The following UNC5D variants were observed in gnomAD, a reference collection of about 807,000 sequenced individuals.
UNC5D encodes the protein unc-5 netrin receptor D, also known as netrin receptor UNC5D.
A neutral mutation model predicts 105.4 loss-of-function variants in UNC5D; 39 were observed. The observed-to-expected ratio is 0.37, with a 90% CI of 0.29 to 0.48. The LOEUF (loss-of-function observed/expected upper bound fraction) is 0.48, where lower values mean the gene tolerates loss of function less well. Ranked by LOEUF, UNC5D falls within the 20% of genes least tolerant of loss-of-function variation. The probability of loss-of-function intolerance (pLI) is 0.98; values close to 1 mark genes in which losing one functional copy is unlikely to be tolerated. For missense variants in UNC5D, 991 were observed against 1,202.4 expected (o/e 0.82, Z 2.60); for synonymous variants, 452 against 450.4 (o/e 1.00, Z -0.04).
rs145667746 is a variant in UNC5D at position 35,686,569 on chromosome 8, G to T, written c.944G>T (p.Ser315Ile). Residue 315 changes from serine to isoleucine, a missense_variant, in exon 7 of 17, where the codon AGC (serine) becomes ATC (isoleucine). Ser to Ile is a moderately radical substitution (Grantham distance 142). This residue lies in a region of UNC5D where 944 missense variants were observed against 1,131.6 expected (regional missense o/e 0.83). Transcript: ENST00000404895. ...CPVDGSWEVW[S>I]EWSVCSPECE... ...GTGGATGGGAGCTGGGAAGTGTGGA[G>T]CGAATGGTCCGTCTGCAGTCCAGAG... The T allele has an allele frequency of 6.3e-7, 1 of 1,587,384 alleles. No homozygotes were observed. Among genetic ancestry groups the T allele is most frequent in the Non-Finnish European group, 8.5e-7 (1 of 1,171,540 alleles).
intron 4 of UNC5D, among the ~76,000 whole-genome samples, chr8:35,608,528 T>C (rs1315934789): frequency 6.6e-6 from 1 of 152,156 alleles, no homozygotes; most frequent in Non-Finnish European, 1.5e-5. Flanking sequence ...ATCACCCAAA[T>C]GACAAGTAAT....
chr8:35,491,672 G>A (rs1395228294), intron 1 of UNC5D, among the ~76,000 whole-genome samples: 1 of 152,064 alleles, frequency 6.6e-6, no homozygotes, highest in Non-Finnish European at 1.5e-5. Flanking sequence ...CTGGTTTGCA[G>A]CATCTAGGAG....
At position 35,382,783 on chromosome 8, in the gene UNC5D, A is replaced by G. The variant is rs192068809; in HGVS notation, c.103+146896A>G. The stretch of plus-strand genomic sequence containing the variant: ...GCTTGGATTCCAGAATGCTGGTGAG[A>G]TTCTGCATGCCCCTGGACGGTGACC... On this transcript the variant is annotated intron_variant, in intron 1 of 16. Transcript: ENST00000404895. Among the ~76,000 whole-genome samples the G allele has an allele frequency of 5.3e-5, 8 of 152,290 alleles. No individual in the cohort carries two copies. In the East Asian group the frequency reaches 1.5e-3, roughly 29 times the overall value.
chr8:35,730,707 T>C (rs1297264018), intron 10 of UNC5D, among the ~76,000 whole-genome samples: 2 of 152,148 alleles, frequency 1.3e-5, no homozygotes, highest in South Asian at 4.1e-4. Context: ...TTCTCAGATA[T>C]GTTTAATACT....
At position 35,792,430 on chromosome 8, in the gene UNC5D, A is replaced by T. The variant is rs1803085891; in HGVS notation, c.*1867A>T. On this transcript the variant is annotated 3_prime_UTR_variant, in exon 17 of 17. Coordinates refer to ENST00000404895, the MANE Select transcript of UNC5D (RefSeq NM_080872.4). The stretch of plus-strand genomic sequence containing the variant: ...AGGAACCAAAGGCTTATGATGTAGG[A>T]CAAAGAAATCATCTTAGAACTGTCA... 6.5e-6 allele frequency: 1 copy of T among 152,778 alleles called. No individual in the cohort carries two copies. Among genetic ancestry groups the T allele is most frequent in the African/African-American group, 2.4e-5 (1 of 41,454 alleles). 9.5% of individuals were successfully genotyped at this position (152,778 alleles called of 1,614,324 possible). A position where few individuals can be genotyped will look rare whatever the true frequency, so the allele number is the denominator to read the frequency against.
intron 1 of UNC5D, among the ~76,000 whole-genome samples, chr8:35,503,382 C>T (rs1812093090): frequency 1.3e-5 from 2 of 152,162 alleles, no homozygotes; most frequent in Admixed American, 1.3e-4. Context: ...GGGAAAACCC[C>T]CTATAAAGCC....
intron 4 of UNC5D, among the ~76,000 whole-genome samples, chr8:35,682,511 G>A (rs1184552960): frequency 6.6e-6 from 1 of 152,182 alleles, no homozygotes; most frequent in Admixed American, 6.5e-5. Flanking sequence ...GATAACTAGA[G>A]CTGAATGGTT....
intron 1 of UNC5D, among the ~76,000 whole-genome samples, chr8:35,438,339 A>C (rs547643231): frequency 6.6e-6 from 1 of 152,056 alleles, no homozygotes; most frequent in Admixed American, 6.6e-5. Context: ...TGAAAATTTT[A>C]AAAAAGATTA....
intron 1 of UNC5D, among the ~76,000 whole-genome samples, chr8:35,267,052 T>A (rs1032139019): frequency 6.6e-6 from 1 of 151,576 alleles, no homozygotes; most frequent in African/African-American, 2.4e-5. Context: ...TCAACATTTT[T>A]GGGACCATAT....
At chr8:35,266,118 C>CA (rs1804854844) in intron 1 of UNC5D, among the ~76,000 whole-genome samples, 1 of 151,962 alleles carries the variant, frequency 6.6e-6, no homozygotes, top group Non-Finnish European at 1.5e-5. Flanking sequence ...TTTTTTTCTT[C>CA]AAAATCTTTA....
intron 1 of UNC5D, among the ~76,000 whole-genome samples, chr8:35,305,571 C>CTT (rs1563297576): frequency 4.2e-4 from 8 of 18,894 alleles, no homozygotes; most frequent in African/African-American, 8.4e-4. Context: ...TCCTTTCTTT[C>CTT]TTTCTTTTTC....
intron 1 of UNC5D, among the ~76,000 whole-genome samples, chr8:35,365,783 A>G (rs1221934731): frequency 6.6e-6 from 1 of 152,072 alleles, no homozygotes; most frequent in African/African-American, 2.4e-5. Flanking sequence ...TTTTCCTTCT[A>G]TAGGCCAGCT....
intron 1 of UNC5D, among the ~76,000 whole-genome samples, chr8:35,540,447 GT>G (rs1815194024): frequency 1.8e-5 from 2 of 112,664 alleles, no homozygotes; most frequent in African/African-American, 1.5e-4. Flanking sequence ...GCAGAGGGGT[GT>G]GTGTGTGTGT....
At chr8:35,677,896 G>GTGTGTGTGTATA (rs1825367462) in intron 4 of UNC5D, among the ~76,000 whole-genome samples, 1 of 151,656 alleles carries the variant, frequency 6.6e-6, no homozygotes, top group South Asian at 2.1e-4. Context: ...GTGTCTGTGT[G>GTGTGTGTGTATA]TGTGTGTGTG....
chr8:35,589,466 C>A (rs963885532), intron 3 of UNC5D, among the ~76,000 whole-genome samples: 2 of 139,994 alleles, frequency 1.4e-5, no homozygotes, highest in African/African-American at 5.3e-5. Context: ...TGAATGAATT[C>A]TTTTTAATAA....
At chr8:35,697,332 T>A (rs1826857579) in intron 7 of UNC5D, among the ~76,000 whole-genome samples, 1 of 151,628 alleles carries the variant, frequency 6.6e-6, no homozygotes, top group African/African-American at 2.4e-5. Flanking sequence ...GACTTCAGAT[T>A]ATGTTTTTTT....
At chr8:35,312,762 G>T (rs895942988) in intron 1 of UNC5D, among the ~76,000 whole-genome samples, 1 of 152,146 alleles carries the variant, frequency 6.6e-6, no homozygotes, top group African/African-American at 2.4e-5. Context: ...AATTTATGTT[G>T]AATTTTCTCC....
intron 4 of UNC5D, among the ~76,000 whole-genome samples, chr8:35,617,075 G>A (rs188732450): frequency 3.9e-5 from 6 of 152,062 alleles, no homozygotes; most frequent in Admixed American, 2.0e-4. Context: ...TCCATGAAGC[G>A]CACCACACAC....
At chr8:35,719,818 C>CAT (rs1488978038) in intron 8 of UNC5D, among the ~76,000 whole-genome samples, 1 of 152,142 alleles carries the variant, frequency 6.6e-6, no homozygotes, top group Non-Finnish European at 1.5e-5. Flanking sequence ...TCAAGCCATC[C>CAT]CAGTGTCAGG....
Sources: gnomAD v4.1 joint callset for allele counts (sites outside exome capture counted in the v4.1 genomes callset) on GRCh38, gnomAD v4.1.1 for gene constraint, gnomAD v4.1.1 regional missense constraint, MANE v1.5 for transcripts, NCBI Gene and HGNC (gene_info 2026-07-23, HGNC 2026-07-21) for gene names.